BPIFB2: variants seen among roughly 807,000 people sequenced by gnomAD.
The protein encoded by BPIFB2 is BPI fold containing family B member 2, also known as BPI fold-containing family B member 2.
In BPIFB2, 39 loss-of-function variants were observed where a neutral mutation model predicts 50.1. The ratio of observed to expected loss-of-function variants is 0.78; its 90% CI spans 0.60 to 1.02. The LOEUF is 1.02. BPIFB2 is among the 50% of genes least tolerant of loss of function. BPIFB2 has a pLI of 0.00. For synonymous variants in BPIFB2, 280 were observed against 256.3 expected (o/e 1.09, Z -0.88); for missense variants, 574 against 585.8 (o/e 0.98, Z 0.21).
chr20:33,021,449 G>A, intron 14 of BPIFB2, 105 bp downstream of exon 14: 1 of 1,289,642 alleles, frequency 7.8e-7, no homozygotes, highest in Non-Finnish European at 1.1e-6. Flanking sequence ...AGGCTCACAG[G>A]GTGAGAGGGG....
chr20:33,019,100 C>T lies in BPIFB2; in HGVS notation c.894C>T (p.Gly298=). 1 of 1,614,154 alleles carries T rather than the reference C, an allele frequency of 6.2e-7. No homozygotes were observed. The highest frequency in any genetic ancestry group is 2.2e-5 in the East Asian group (1 of 44,862). ...DDNLLNTSAL[G]RLIPEVARQF... is the part of the protein sequence containing the mutation. ...ACCTGCTGAACACCTCTGCTCTGGG[C>T]CGGCTCATCCCGGAGGTCGGTGATG... Residue 298 remains glycine, a synonymous_variant, in exon 10 of 16, where the codon GGC becomes GGT. Transcript: ENST00000170150.
At chr20:33,010,614 A>AC (rs1356945667) in intron 2 of BPIFB2, among the ~76,000 whole-genome samples, 1 of 151,902 alleles carries the variant, frequency 6.6e-6, no homozygotes, top group Non-Finnish European at 1.5e-5. Flanking sequence ...CTCCCAAGGG[A>AC]CGTCCCCTCT....
At position 33,009,166 on chromosome 20, in the gene BPIFB2, G is replaced by A. The variant is rs113832999; in HGVS notation, c.109+483G>A. Among the ~76,000 whole-genome samples the A allele has an allele frequency of 4.6e-5, 7 of 152,294 alleles. No homozygotes were observed. Among genetic ancestry groups the A allele is most frequent in the African/African-American group, 1.7e-4 (7 of 41,554 alleles). On this transcript the variant is annotated intron_variant, in intron 2 of 15. Transcript: ENST00000170150. This position sits in a 1 kb window ranked among gnomAD's most constrained non-coding sequence, Gnocchi z 4.2. ...TGTGTTCTTGGGAGAGGTCTGTCTA[G>A]CACCGTGATGCAAGGAGTGTTCTAA...
intron 12 of BPIFB2, 37 bp downstream of exon 12, chr20:33,020,432 GTTC>G (rs1186532181): frequency 3.1e-6 from 5 of 1,610,874 alleles, no homozygotes; most frequent in Non-Finnish European, 3.4e-6. Flanking sequence ...GCCTCAGTGT[GTTC>G]TTCTGTGCCA....
rs6057700 is a variant in BPIFB2, at chr20:33,013,712, A to C, written c.309-98A>C. 6.4e-3 allele frequency: 9,510 copies of C among 1,487,242 alleles called. 204 individuals carry two copies. The highest frequency in any genetic ancestry group is 0.057 in the East Asian group (2,467 of 42,992). The allele number at this position is 1,487,242 out of a possible 1,614,324, so 92.1% of individuals were successfully genotyped here. A position where few individuals can be genotyped will look rare whatever the true frequency, so the allele number is the denominator to read the frequency against. Reference sequence around the variant, plus strand: ...TGGGGGGCCTGCCTGGGCCAAGTGGAGGGCAGGCAGGGGCTGGGGAATTTG... The same window carrying C: ...TGGGGGGCCTGCCTGGGCCAAGTGGCGGGCAGGCAGGGGCTGGGGAATTTG... On this transcript the variant is annotated intron_variant, in intron 4 of 15. Coordinates refer to ENST00000170150, the MANE Select transcript of BPIFB2 (RefSeq NM_025227.3).
Position 33,008,664 on chromosome 20 carries a change from C to T in BPIFB2, c.90C>T (p.Asn30=), listed in dbSNP as rs548999891. 4 of 1,606,210 alleles carry T rather than the reference C, an allele frequency of 2.5e-6. No homozygotes were observed. In the African/African-American group the frequency reaches 4.0e-5, roughly 16 times the overall value. ...ASTPGTVVRL[N]KAALSYVSEI... is the part of the protein sequence containing the mutation. ...CGCCAGGCACCGTGGTCCGACTCAA[C>T]AAGGCAGCATTGAGCTACGGTAAGC... The change falls in exon 2 of 16, where the codon AAC becomes AAT. Residue 30 remains asparagine, a synonymous_variant. Coordinates refer to ENST00000170150, the MANE Select transcript of BPIFB2 (RefSeq NM_025227.3).
chr20:33,021,936 TC>T, intron 15 of BPIFB2, 137 bp downstream of exon 15: 2 of 866,678 alleles, frequency 2.3e-6, no homozygotes, highest in Non-Finnish European at 3.7e-6. Context: ...AAATGAAAAG[TC>T]CAGGATGCCA....
At position 33,019,759 on chromosome 20, in the gene BPIFB2, G is replaced by T. The variant is rs759695384; in HGVS notation, c.1080+9G>T. The T allele has an allele frequency of 1.2e-5, 19 of 1,579,346 alleles. No homozygotes were observed. The highest frequency in any genetic ancestry group is 1.6e-5 in the Non-Finnish European group (18 of 1,160,092). ...TCTTCTCCCTGGATGTGGTGAGTGC[G>T]GTGGGGCTGGTCGGAAGGCAGGCAA... On this transcript the variant is annotated intron_variant, in intron 11 of 15. Coordinates refer to ENST00000170150, the MANE Select transcript of BPIFB2 (RefSeq NM_025227.3).
chr20:33,020,409 C>A lies in BPIFB2; in HGVS notation c.1148+14C>A. ...GTCTGTGCTGGGGTAAACGAGCCCA[C>A]CTGGACCCAGCAGCCTCAGTGTGTT... On this transcript the variant is annotated intron_variant, in intron 12 of 15. Coordinates refer to ENST00000170150, the MANE Select transcript of BPIFB2 (RefSeq NM_025227.3). 6.2e-7 allele frequency: 1 copy of A among 1,613,614 alleles called. No homozygotes were observed. The highest frequency in any genetic ancestry group is 8.5e-7 in the Non-Finnish European group (1 of 1,179,626).
chr20:33,020,631 G>A (rs756522886), intron 13 of BPIFB2, 44 bp downstream of exon 13: 2 of 1,545,194 alleles, frequency 1.3e-6, no homozygotes, highest in East Asian at 4.5e-5. Context: ...GTCCTGGGTA[G>A]GGCACACCTT....
Position 33,012,872 on chromosome 20 carries a change from G to A in BPIFB2, c.273G>A (p.Leu91=), listed in dbSNP as rs573050966. 399 of 1,613,880 alleles carry A rather than the reference G, an allele frequency of 2.5e-4. 9 individuals are homozygous for A. In the South Asian group the frequency reaches 4.3e-3, roughly 17 times the overall value. The change falls in exon 4 of 16, where the codon CTG becomes CTA. Residue 91 remains leucine (L), a synonymous_variant. Coordinates refer to ENST00000170150, the MANE Select transcript of BPIFB2 (RefSeq NM_025227.3). ...TCATTGCTGGTTTCGGAGTGCGCCT[G>A]CTGGCAGCAGCTAATTTTACTTTCA... ...LKFIAGFGVR[L]LAAANFTFKV... is the part of the protein sequence containing the mutation.
At position 33,021,333 on chromosome 20, in the gene BPIFB2, A is replaced by T. The variant is rs749976299; in HGVS notation, c.1247A>T (p.Asp416Val). 78 of 1,613,488 alleles carry T rather than the reference A, an allele frequency of 4.8e-5. No individual in the cohort carries two copies. The highest frequency in any genetic ancestry group is 6.5e-5 in the Non-Finnish European group (77 of 1,179,822). Residue 416 changes from aspartate to valine, a missense_variant, in exon 14 of 16, where the codon GAC becomes GTC. Physicochemically the swap from Asp to Val is radical, Grantham distance 152. Transcript: ENST00000170150. ...ACCGTTTTTGAGAAGCCCCTGCTGG[A>T]CCATCTCAATGGTAAGCCCTGCCCT... is the stretch of plus-strand genomic sequence containing the variant. ...MGTVFEKPLL[D>V]HLNALLAMGI...
chr20:33,013,373 C>G (rs1568976826), intron 4 of BPIFB2, among the ~76,000 whole-genome samples: 1 of 152,194 alleles, frequency 6.6e-6, no homozygotes, highest in Non-Finnish European at 1.5e-5. Flanking sequence ...GGTCTCTTAT[C>G]TAGCTTCTCT....
chr20:33,018,436 G>T, intron 8 of BPIFB2, 86 bp downstream of exon 8: 1 of 1,371,732 alleles, frequency 7.3e-7, no homozygotes, highest in South Asian at 1.3e-5. Flanking sequence ...AGGAGCGGGG[G>T]AGTGGGAAAG....
Position 33,011,362 on chromosome 20 carries a change from T to C in BPIFB2, c.203+245T>C, listed in dbSNP as rs557919202. Among the ~76,000 whole-genome samples, 5 of 152,362 alleles carry C rather than the reference T, an allele frequency of 3.3e-5. No individual in the cohort carries two copies. In the East Asian group the frequency reaches 9.7e-4, roughly 29 times the overall value. Reference sequence around the variant, plus strand: ...GGACCCAAGATGGAGAAGCCGGGCCTGGTGCCTCTGAATTAGTGAATTTCT... The same window carrying C: ...GGACCCAAGATGGAGAAGCCGGGCCCGGTGCCTCTGAATTAGTGAATTTCT... On this transcript the variant is annotated intron_variant, in intron 3 of 15. Coordinates refer to ENST00000170150, the MANE Select transcript of BPIFB2 (RefSeq NM_025227.3).
Position 33,009,412 on chromosome 20 carries a change from G to A in BPIFB2, c.109+729G>A, listed in dbSNP as rs925105905. Among the ~76,000 whole-genome samples, 66 of 152,128 alleles carry A rather than the reference G, an allele frequency of 4.3e-4. No individual in the cohort carries two copies. Among genetic ancestry groups the A allele is most frequent in the Admixed American group, 4.3e-3 (65 of 15,272 alleles). ...GTTTATTCACCTCGAGTTGCCTCCC[G>A]GTGAGAATTTGGTTTCCCACCAAAG... On this transcript the variant is annotated intron_variant, in intron 2 of 15. Coordinates refer to ENST00000170150, the MANE Select transcript of BPIFB2 (RefSeq NM_025227.3). This position sits in a 1 kb window ranked among gnomAD's most constrained non-coding sequence, Gnocchi z 4.2.
chr20:33,022,295 A>T (rs7262249), intron 15 of BPIFB2, among the ~76,000 whole-genome samples: 1 of 152,128 alleles, frequency 6.6e-6, no homozygotes, highest in Non-Finnish European at 1.5e-5. Flanking sequence ...TCAGCAAGAC[A>T]TGCCTAGGAC....
rs758537991 is a variant in BPIFB2 at position 33,013,833 on chromosome 20, C to T, written c.332C>T (p.Thr111Met). 16 of 1,613,764 alleles carry T rather than the reference C, an allele frequency of 9.9e-6. No homozygotes were observed. In the Admixed American group the frequency reaches 1.5e-4, roughly 15 times the overall value. Residue 111 changes from threonine (T) to methionine (M), a missense_variant, in exon 5 of 16, where the codon ACG (threonine) becomes ATG (methionine). By Grantham distance (81) the Thr-to-Met change is moderately conservative. Transcript: ENST00000170150. ...AGCGCCCCAGAGCCCCTGGAGCTGA[C>T]GCTGCCTGTGGAACTGCTGGCTGAC... ...VFRAPEPLEL[T>M]LPVELLADTR...
intron 6 of BPIFB2, among the ~76,000 whole-genome samples, chr20:33,016,207 AC>A (rs1490672028): frequency 6.6e-6 from 1 of 151,506 alleles, no homozygotes; most frequent in Non-Finnish European, 1.5e-5. Flanking sequence ...GCCACCCCAC[AC>A]CCCCCAGAGG....
Sources: gnomAD v4.1 joint callset for allele counts (sites outside exome capture counted in the v4.1 genomes callset) on GRCh38, gnomAD v4.1.1 for gene constraint, Gnocchi (gnomAD v3.1) non-coding constraint, MANE v1.5 for transcripts, NCBI Gene and HGNC (gene_info 2026-07-23, HGNC 2026-07-21) for gene names.